IGSF21: variants seen among roughly 807,000 people sequenced by gnomAD.
IGSF21 encodes the protein immunoglobin superfamily member 21.
In IGSF21, 28 loss-of-function variants were observed where a neutral mutation model predicts 46.8. The ratio of observed to expected loss-of-function variants is 0.60; its 90% confidence interval spans 0.44 to 0.82. IGSF21 has a LOEUF of 0.82. IGSF21 is among the 40% of genes least tolerant of loss of function. The pLI is 0.00. For missense variants in IGSF21, 624 were observed against 665.5 expected (o/e 0.94, Z 0.69); for synonymous variants, 284 against 273.6 (o/e 1.04, Z -0.38).
intron 1 of IGSF21, among the ~76,000 whole-genome samples, chr1:18,227,231 G>C (rs1347560705): frequency 6.6e-6 from 1 of 152,144 alleles, no homozygotes; most frequent in African/African-American, 2.4e-5. Context: ...AAAGCCAATG[G>C]AGGGTGTTAA....
chr1:18,307,803 G>A (rs564360208), intron 3 of IGSF21, among the ~76,000 whole-genome samples: 13 of 152,266 alleles, frequency 8.5e-5, no homozygotes, highest in African/African-American at 2.9e-4. Flanking sequence ...CCTAAGCTGC[G>A]GTGAGGGCTG....
chr1:18,335,203 T>C lies in IGSF21; in HGVS notation c.424+193T>C, dbSNP rs114125492. On this transcript the variant is annotated intron_variant, in intron 4 of 9. Transcript: ENST00000251296. The surrounding 1 kb of genome is among the most constrained non-coding windows in gnomAD (Gnocchi z 4.8). ...CTGAGCCAAGGTGTGACCCGTGAAG[T>C]CTTGCCCCCCATGGGCCTCCCCTCA... is the stretch of plus-strand genomic sequence containing the variant. Among the ~76,000 whole-genome samples, 562 of 152,290 alleles carry C rather than the reference T, an allele frequency of 3.7e-3. 7 individuals are homozygous for C. The highest frequency in any genetic ancestry group is 0.013 in the African/African-American group (521 of 41,556).
At chr1:18,156,802 G>A (rs2124439060) in intron 1 of IGSF21, among the ~76,000 whole-genome samples, 1 of 152,350 alleles carries the variant, frequency 6.6e-6, no homozygotes, top group East Asian at 1.9e-4. Flanking sequence ...GTGTGAGGCT[G>A]GAAGTGAGAG....
chr1:18,145,535 G>A (rs2086457543), intron 1 of IGSF21, among the ~76,000 whole-genome samples: 1 of 152,150 alleles, frequency 6.6e-6, no homozygotes, highest in Non-Finnish European at 1.5e-5. Context: ...TGGGACAGAG[G>A]GATGGGCAGG....
intron 2 of IGSF21, among the ~76,000 whole-genome samples, chr1:18,234,999 C>G (rs963312012): frequency 6.6e-6 from 1 of 152,154 alleles, no homozygotes; most frequent in African/African-American, 2.4e-5. Context: ...CAGCCCTGAT[C>G]CTTGATCTTT....
At chr1:18,199,890 C>T (rs1231156292) in intron 1 of IGSF21, among the ~76,000 whole-genome samples, 2 of 146,706 alleles carry the variant, frequency 1.4e-5, no homozygotes, top group South Asian at 2.2e-4. Context: ...AAGCTGCTCC[C>T]GGCCCCCCCC....
chr1:18,281,526 G>A lies in IGSF21; in HGVS notation c.184-10340G>A, dbSNP rs565436179. 1.2e-4 allele frequency among the ~76,000 whole-genome samples: 18 copies of A among 150,022 alleles called. No homozygotes were observed. The East Asian group carries it at 2.7e-3, about 23-fold the overall frequency. On this transcript the variant is annotated intron_variant, in intron 2 of 9. Coordinates refer to ENST00000251296, the MANE Select transcript of IGSF21 (RefSeq NM_032880.5). The stretch of plus-strand genomic sequence containing the variant: ...GGTTGCAGTGAGCTGACATGGTGCC[G>A]CTGCACTCCAGCCTCAGCAACAGAG...
intron 3 of IGSF21, among the ~76,000 whole-genome samples, chr1:18,305,578 T>TATGG (rs1217525571): frequency 1.3e-4 from 6 of 47,854 alleles, no homozygotes; most frequent in African/African-American, 2.9e-4. Context: ...ATGGATGGAT[T>TATGG]ATGGATGGAT....
chr1:18,153,824 A>T (rs2086543443), intron 1 of IGSF21, among the ~76,000 whole-genome samples: 1 of 152,166 alleles, frequency 6.6e-6, no homozygotes, highest in Admixed American at 6.5e-5. Flanking sequence ...AGCGTCTGCG[A>T]ATCCATCCCC....
At chr1:18,257,122 G>A (rs542137219) in intron 2 of IGSF21, among the ~76,000 whole-genome samples, 2 of 152,310 alleles carry the variant, frequency 1.3e-5, no homozygotes, top group East Asian at 1.9e-4. Flanking sequence ...ATGGGCCAGG[G>A]CAGTCAAGCA....
chr1:18,183,565 G>A (rs973388777), intron 1 of IGSF21, among the ~76,000 whole-genome samples: 1 of 152,202 alleles, frequency 6.6e-6, no homozygotes, highest in Non-Finnish European at 1.5e-5. Context: ...TTGACATCAT[G>A]AGATACGTAA....
intron 1 of IGSF21, among the ~76,000 whole-genome samples, chr1:18,186,515 C>T (rs1012546535): frequency 2.0e-5 from 3 of 152,144 alleles, no homozygotes; most frequent in African/African-American, 7.2e-5. Context: ...GTTTCCCTGG[C>T]TGGAGAGCCC....
chr1:18,313,263 C>G (rs1401804172), intron 3 of IGSF21, among the ~76,000 whole-genome samples: 3 of 152,126 alleles, frequency 2.0e-5, no homozygotes, highest in Non-Finnish European at 4.4e-5. Flanking sequence ...TGGATCCCTT[C>G]CAGGGAACCA....
intron 2 of IGSF21, among the ~76,000 whole-genome samples, chr1:18,265,833 A>G (rs1043103637): frequency 1.3e-5 from 2 of 152,232 alleles, no homozygotes; most frequent in Non-Finnish European, 2.9e-5. Context: ...TTAAGCTCGC[A>G]GGCTGAGGAG....
chr1:18,268,319 G>A (rs1221139432), intron 2 of IGSF21, among the ~76,000 whole-genome samples: 2 of 152,244 alleles, frequency 1.3e-5, no homozygotes, highest in African/African-American at 4.8e-5. Context: ...ACAGGGCAGG[G>A]CTCTTTCTGC....
At position 18,376,940 on chromosome 1, in the gene IGSF21, C is replaced by A. The variant is rs372579085; in HGVS notation, c.1242C>A (p.Thr414=). The A allele has an allele frequency of 6.2e-7, 1 of 1,606,714 alleles. No homozygotes were observed. Among genetic ancestry groups the A allele is most frequent in the Non-Finnish European group, 8.5e-7 (1 of 1,174,042 alleles). The change falls in exon 8 of 10, where the codon ACC becomes ACA. Residue 414 remains threonine, a synonymous_variant. Transcript: ENST00000251296. ...TCAATGGCTCCATGTATCGCTGCAC[C>A]GCCCAGAACCCACTGGGCTCCACCG... ...AELNGSMYRC[T]AQNPLGSTDT...
chr1:18,286,007 C>T (rs916987859), intron 2 of IGSF21, among the ~76,000 whole-genome samples: 1 of 152,164 alleles, frequency 6.6e-6, no homozygotes, highest in Non-Finnish European at 1.5e-5. Context: ...TGATCCTTCC[C>T]GTTTTGCAGA....
intron 6 of IGSF21, among the ~76,000 whole-genome samples, chr1:18,367,873 G>T (rs2086184031): frequency 6.6e-6 from 1 of 151,692 alleles, no homozygotes; most frequent in African/African-American, 2.4e-5. Context: ...CAAAGTGCTG[G>T]GGTTACAGAC....
intron 1 of IGSF21, among the ~76,000 whole-genome samples, chr1:18,217,035 G>T (rs1273854636): frequency 6.6e-6 from 1 of 152,120 alleles, no homozygotes; most frequent in Non-Finnish European, 1.5e-5. Context: ...AGCAGGGGGA[G>T]GGTGGTGCGA....
Sources: gnomAD v4.1 joint callset for allele counts (sites outside exome capture counted in the v4.1 genomes callset) on GRCh38, gnomAD v4.1.1 for gene constraint, Gnocchi (gnomAD v3.1) non-coding constraint, MANE v1.5 for transcripts, NCBI Gene and HGNC (gene_info 2026-07-23, HGNC 2026-07-21) for gene names.